The following ZBTB7C variants were observed in gnomAD, a reference collection of about 807,000 sequenced individuals.
ZBTB7C encodes the protein zinc finger and BTB domain containing 7C, also known as zinc finger and BTB domain-containing protein 7C.
Under a neutral mutation model 25.7 loss-of-function variants are expected in ZBTB7C, and 8 were observed. That is an observed-to-expected ratio of 0.31 (90% CI 0.18 to 0.56). The LOEUF (loss-of-function observed/expected upper bound fraction) is 0.56, where lower values mean the gene tolerates loss of function less well. Ranked by LOEUF, ZBTB7C falls within the 20% of genes least tolerant of loss-of-function variation. ZBTB7C has a pLI of 0.91. For missense variants in ZBTB7C, 824 were observed against 855.2 expected (o/e 0.96, Z 0.46); for synonymous variants, 394 against 369.0 (o/e 1.07, Z -0.78).
chr18:48,208,450 C>T (rs1445601312), intron 2 of ZBTB7C, among the ~76,000 whole-genome samples: 1 of 152,084 alleles, frequency 6.6e-6, no homozygotes, highest in Admixed American at 6.5e-5. Flanking sequence ...TTTAAAACCC[C>T]AGATCTTCGA....
In ZBTB7C at chr18:48,029,702, C is replaced by A. The variant is rs548743739; in HGVS notation, c.1418G>T (p.Arg473Leu). ...LHRHIKRQSC[R>L]MARPRRGRKP... The stretch of plus-strand genomic sequence containing the variant: ...GCGGCCGCGTCGGGGCCGTGCCATG[C>A]GGCAGCTCTGGCGCTTGATGTGGCG... Residue 473 changes from arginine to leucine, a missense_variant, in exon 5 of 5, where the codon CGC becomes CTC. By Grantham distance (102) the Arg-to-Leu change is moderately radical. Around this residue, in one of 4 missense-constraint regions of ZBTB7C, gnomAD observed 342 missense variants for 307.0 expected, o/e 1.11. Coordinates refer to ENST00000590800, the MANE Select transcript of ZBTB7C (RefSeq NM_001318841.2). The A allele has an allele frequency of 3.7e-6, 6 of 1,601,656 alleles. No homozygotes were observed. The highest frequency in any genetic ancestry group is 1.1e-5 in the South Asian group (1 of 90,614).
chr18:48,302,617 G>A (rs771218409), intron 2 of ZBTB7C, among the ~76,000 whole-genome samples: 10 of 152,158 alleles, frequency 6.6e-5, no homozygotes, highest in Non-Finnish European at 1.0e-4. Context: ...AGGCCGGATC[G>A]ACGTCCACGC....
intron 3 of ZBTB7C, among the ~76,000 whole-genome samples, chr18:48,147,163 C>T (rs749058626): frequency 4.0e-5 from 6 of 151,686 alleles, no homozygotes; most frequent in African/African-American, 9.7e-5. Context: ...CTGCAACCTC[C>T]GCCTCCTGGG....
chr18:48,280,116 T>C (rs531362260), intron 2 of ZBTB7C, among the ~76,000 whole-genome samples: 1 of 152,246 alleles, frequency 6.6e-6, no homozygotes, highest in East Asian at 1.9e-4. Context: ...TACGGTGTGG[T>C]CAGTGCTGTA....
chr18:48,045,853 T>A (rs1229378377), intron 3 of ZBTB7C, among the ~76,000 whole-genome samples: 1 of 152,262 alleles, frequency 6.6e-6, no homozygotes, highest in East Asian at 1.9e-4. Flanking sequence ...GTGGAAGGTC[T>A]ATGGCAAGGG....
chr18:48,261,658 G>A (rs112170563), intron 2 of ZBTB7C, among the ~76,000 whole-genome samples: 7 of 152,144 alleles, frequency 4.6e-5, no homozygotes, highest in African/African-American at 1.4e-4. Flanking sequence ...ATGCATCACA[G>A]AGCATCTTCA....
At chr18:48,037,304 A>G (rs4074019) in intron 4 of ZBTB7C, among the ~76,000 whole-genome samples, 38,907 of 152,160 alleles carry the variant, frequency 0.26, 6,076 homozygotes, top group African/African-American at 0.43. Flanking sequence ...AGATGGCTGG[A>G]TGACCAGAGC....
chr18:48,291,604 T>C (rs2045231816), intron 2 of ZBTB7C, among the ~76,000 whole-genome samples: 1 of 152,172 alleles, frequency 6.6e-6, no homozygotes, highest in African/African-American at 2.4e-5. Flanking sequence ...AGTGTTGATG[T>C]GGCACTGCGA....
chr18:48,140,760 C>T (rs368912209), intron 3 of ZBTB7C, among the ~76,000 whole-genome samples: 6 of 152,128 alleles, frequency 3.9e-5, no homozygotes, highest in Non-Finnish European at 7.3e-5. Flanking sequence ...AGAAACTCAG[C>T]GCCACGCTTG....
At chr18:48,208,127 T>G (rs1409936896) in intron 2 of ZBTB7C, among the ~76,000 whole-genome samples, 1 of 151,952 alleles carries the variant, frequency 6.6e-6, no homozygotes, top group African/African-American at 2.4e-5. Context: ...GGTTGAGAGC[T>G]GGCCTTGGTG....
intron 3 of ZBTB7C, among the ~76,000 whole-genome samples, chr18:48,109,120 T>C (rs182724002): frequency 7.9e-5 from 12 of 151,892 alleles, no homozygotes; most frequent in Admixed American, 2.0e-4. Flanking sequence ...AGGGTGGGGG[T>C]TGCGGTCCCT....
At chr18:48,062,415 G>T (rs572042446) in intron 3 of ZBTB7C, among the ~76,000 whole-genome samples, 46 of 152,220 alleles carry the variant, frequency 3.0e-4, no homozygotes, top group African/African-American at 1.1e-3. Flanking sequence ...CTCAACACAA[G>T]ATCCTGTCAC....
chr18:48,196,837 A>G (rs1386753203), intron 2 of ZBTB7C, among the ~76,000 whole-genome samples: 1 of 152,246 alleles, frequency 6.6e-6, no homozygotes, highest in Non-Finnish European at 1.5e-5. Context: ...GAAGAGAAGA[A>G]GGAAAATGCC....
chr18:48,228,990 T>A (rs888022635), intron 2 of ZBTB7C, among the ~76,000 whole-genome samples: 1 of 150,954 alleles, frequency 6.6e-6, no homozygotes, highest in South Asian at 2.1e-4. Flanking sequence ...TCTGGAAACA[T>A]AAGCACGGCA....
At chr18:48,045,274 T>C (rs1026073616) in intron 3 of ZBTB7C, among the ~76,000 whole-genome samples, 22 of 152,198 alleles carry the variant, frequency 1.4e-4, no homozygotes, top group African/African-American at 5.3e-4. Flanking sequence ...GTCTTTCTCA[T>C]AGTGTTGGAG....
chr18:48,235,375 A>C (rs957333040), intron 2 of ZBTB7C, among the ~76,000 whole-genome samples: 10 of 152,218 alleles, frequency 6.6e-5, no homozygotes, highest in Non-Finnish European at 1.5e-4. Context: ...CTTGAAGTCC[A>C]AAATTAATAC....
At chr18:48,071,850 A>G (rs1043314881) in intron 3 of ZBTB7C, among the ~76,000 whole-genome samples, 2 of 152,264 alleles carry the variant, frequency 1.3e-5, no homozygotes, top group East Asian at 1.9e-4. Flanking sequence ...ACATGCGTGA[A>G]CTTTGAGGAT....
chr18:48,198,045 T>G (rs893954964), intron 2 of ZBTB7C, among the ~76,000 whole-genome samples: 1 of 152,226 alleles, frequency 6.6e-6, no homozygotes, highest in Non-Finnish European at 1.5e-5. Context: ...ATATGATTCA[T>G]GGATGAGCAC....
chr18:48,313,358 G>A (rs2045867632), intron 2 of ZBTB7C, among the ~76,000 whole-genome samples: 1 of 152,180 alleles, frequency 6.6e-6, no homozygotes, highest in Admixed American at 6.5e-5. Flanking sequence ...CTAGGGCAGT[G>A]GTTCTCAAGC....
Sources: allele counts gnomAD v4.1 joint callset (sites outside exome capture counted in the v4.1 genomes callset), GRCh38; gene constraint gnomAD v4.1.1; regional missense constraint gnomAD v4.1.1; transcripts MANE v1.5; gene names NCBI Gene and HGNC (gene_info 2026-07-23, HGNC 2026-07-21).